The following FSIP1 variants were observed in gnomAD, a reference collection of about 807,000 sequenced individuals.
The protein encoded by FSIP1 is fibrous sheath interacting protein 1, also known as fibrous sheath-interacting protein 1.
FSIP1 carries 65 observed loss-of-function variants against 60.9 expected under a neutral mutation model. The ratio of observed to expected loss-of-function variants is 1.07; its 90% CI spans 0.87 to 1.31. FSIP1 has a LOEUF of 1.31. Ranked by LOEUF, FSIP1 falls within the 40% of genes most tolerant of loss-of-function variation. The pLI, the probability that FSIP1 is intolerant of heterozygous loss-of-function variation, is 0.00. For synonymous variants in FSIP1, 209 were observed against 221.2 expected (o/e 0.94, Z 0.49); for missense variants, 675 against 665.5 (o/e 1.01, Z -0.16).
chr15:39,706,187 T>C (rs1419432734), intron 10 of FSIP1, among the ~76,000 whole-genome samples: 1 of 152,130 alleles, frequency 6.6e-6, no homozygotes, highest in Non-Finnish European at 1.5e-5. Flanking sequence ...TCGGGCATTA[T>C]TACTTTGAAA....
At chr15:39,642,947 C>T (rs1443563602) in intron 10 of FSIP1, among the ~76,000 whole-genome samples, 3 of 152,136 alleles carry the variant, frequency 2.0e-5, no homozygotes, top group Admixed American at 2.0e-4. Flanking sequence ...AATAAAATTC[C>T]TCTAATGGAG....
At chr15:39,729,558 A>G (rs1192698143) in intron 8 of FSIP1, among the ~76,000 whole-genome samples, 1 of 152,176 alleles carries the variant, frequency 6.6e-6, no homozygotes, top group Non-Finnish European at 1.5e-5. Context: ...TGGGTGACAG[A>G]GTAAGACCCT....
chr15:39,748,756 G>T (rs137876466), intron 5 of FSIP1, among the ~76,000 whole-genome samples: 1 of 152,000 alleles, frequency 6.6e-6, no homozygotes, highest in African/African-American at 2.4e-5. Flanking sequence ...ATGCTTCAAG[G>T]AACTGCAAAA....
At chr15:39,614,357 G>A (rs1891145538) in intron 11 of FSIP1, among the ~76,000 whole-genome samples, 1 of 152,024 alleles carries the variant, frequency 6.6e-6, no homozygotes, top group African/African-American at 2.4e-5. Flanking sequence ...ATTAACCAAG[G>A]AGGTGAAAGA....
At chr15:39,739,812 T>A in intron 6 of FSIP1, 23 bp from the exon 7 acceptor site, 1 of 1,464,694 alleles carries the variant, frequency 6.8e-7, no homozygotes, top group African/African-American at 1.4e-5. Context: ...AAGTTCAAAA[T>A]TTTTTCATAA....
intron 10 of FSIP1, among the ~76,000 whole-genome samples, chr15:39,641,423 T>G (rs1324016157): frequency 6.6e-6 from 1 of 152,148 alleles, no homozygotes. Flanking sequence ...CTTCCCTGGA[T>G]GCCTGTCATT....
chr15:39,631,258 C>A (rs987484526), intron 10 of FSIP1, among the ~76,000 whole-genome samples: 3 of 152,218 alleles, frequency 2.0e-5, no homozygotes, highest in Non-Finnish European at 2.9e-5. Flanking sequence ...GGCCATGGCC[C>A]ATCCTAGGCC....
At chr15:39,703,118 G>T (rs1230310939) in intron 10 of FSIP1, among the ~76,000 whole-genome samples, 1 of 151,810 alleles carries the variant, frequency 6.6e-6, no homozygotes, top group Non-Finnish European at 1.5e-5. Flanking sequence ...GAATAACTGG[G>T]ATTACAGGCA....
At position 39,763,826 on chromosome 15, in the gene FSIP1, G is replaced by T. The variant is rs551130925; in HGVS notation, c.554C>A (p.Thr185Asn). ...FLSLTAVSEE[T>N]VGPSHEEEDT... The stretch of plus-strand genomic sequence containing the variant: ...TGACATCTCCATCTACTCACCAACA[G>T]TTTCTTCAGAAACAGCAGTCAAAGA... Residue 185 changes from threonine to asparagine, a missense_variant, in exon 5 of 12, where the codon ACT becomes AAT. Thr to Asn is a moderately conservative substitution (Grantham distance 65, BLOSUM62 0). Coordinates refer to ENST00000350221, the MANE Select transcript of FSIP1 (RefSeq NM_152597.5). 16 of 1,529,344 alleles carry T rather than the reference G, an allele frequency of 1.0e-5. No homozygotes were observed. In the South Asian group the frequency reaches 1.8e-4, roughly 17 times the overall value. 94.7% of individuals were successfully genotyped at this position (1,529,344 alleles called of 1,614,324 possible).
At chr15:39,770,338 C>A in intron 3 of FSIP1, 89 bp downstream of exon 3, 1 of 936,746 alleles carries the variant, frequency 1.1e-6, no homozygotes, top group Admixed American at 2.9e-5. Flanking sequence ...GATAAAAACA[C>A]AGGTAATACT....
intron 10 of FSIP1, among the ~76,000 whole-genome samples, chr15:39,678,467 T>C (rs1362786948): frequency 6.6e-6 from 1 of 152,126 alleles, no homozygotes; most frequent in African/African-American, 2.4e-5. Flanking sequence ...GTCATGCAAG[T>C]AAAATATCTC....
At chr15:39,602,500 AT>A in intron 11 of FSIP1, 1 of 370,674 alleles carries the variant, frequency 2.7e-6, no homozygotes, top group Middle Eastern at 9.6e-4. Context: ...TAAAGTTCTT[AT>A]TAAAAAAAGA....
intron 10 of FSIP1, among the ~76,000 whole-genome samples, chr15:39,634,191 G>A (rs891431654): frequency 1.3e-5 from 2 of 152,100 alleles, no homozygotes. Context: ...TTTCCCATGA[G>A]TATACAAAAA....
At chr15:39,664,735 C>G (rs1468785305) in intron 10 of FSIP1, among the ~76,000 whole-genome samples, 1 of 152,014 alleles carries the variant, frequency 6.6e-6, no homozygotes, top group Non-Finnish European at 1.5e-5. Context: ...TGTCCCTTTG[C>G]CCCCTCCTAT....
intron 10 of FSIP1, among the ~76,000 whole-genome samples, chr15:39,703,331 C>T (rs953643753): frequency 6.6e-6 from 1 of 152,138 alleles, no homozygotes; most frequent in African/African-American, 2.4e-5. Context: ...CATTATTATT[C>T]AGAAACAGCA....
chr15:39,691,621 A>C (rs1894603818), intron 10 of FSIP1, among the ~76,000 whole-genome samples: 2 of 152,268 alleles, frequency 1.3e-5, no homozygotes, highest in South Asian at 4.1e-4. Flanking sequence ...CTCATCTATT[A>C]AAGAAGAGAG....
Position 39,611,305 on chromosome 15 carries a change from A to C in FSIP1, c.1699+6430T>G, listed in dbSNP as rs571893424. 1.6e-3 allele frequency among the ~76,000 whole-genome samples: 239 copies of C among 152,276 alleles called. 1 individual carries two copies. The highest frequency in any genetic ancestry group is 2.5e-3 in the Non-Finnish European group (171 of 68,010). On this transcript the variant is annotated intron_variant, in intron 11 of 11. Transcript: ENST00000350221. Reference sequence around the variant, plus strand: ...TTAAAATAGCCTGTTATAATAAGATATTTTGTTGTTGTTTTTTTTTATTTT... The same window carrying C: ...TTAAAATAGCCTGTTATAATAAGATCTTTTGTTGTTGTTTTTTTTTATTTT...
intron 1 of FSIP1, among the ~76,000 whole-genome samples, chr15:39,782,171 C>T (rs886794587): frequency 1.3e-5 from 2 of 152,244 alleles, no homozygotes; most frequent in Non-Finnish European, 1.5e-5. Flanking sequence ...TATGTCAAAG[C>T]TGTTTCATCT....
intron 10 of FSIP1, among the ~76,000 whole-genome samples, chr15:39,701,193 T>C (rs921292981): frequency 1.3e-5 from 2 of 152,064 alleles, no homozygotes; most frequent in African/African-American, 4.8e-5. Context: ...ACTTATTTAG[T>C]AAACATAGCA....
Sources: gnomAD v4.1 joint callset for allele counts (sites outside exome capture counted in the v4.1 genomes callset) on GRCh38, gnomAD v4.1.1 for gene constraint, MANE v1.5 for transcripts, NCBI Gene and HGNC (gene_info 2026-07-23, HGNC 2026-07-21) for gene names.